The following ZFYVE28 variants were observed in gnomAD, a reference collection of about 807,000 sequenced individuals.
ZFYVE28 encodes the protein zinc finger FYVE-type containing 28.
Under a neutral mutation model 82.1 loss-of-function variants are expected in ZFYVE28, and 40 were observed. The ratio of observed to expected loss-of-function variants is 0.49; its 90% CI spans 0.38 to 0.63. The LOEUF (loss-of-function observed/expected upper bound fraction) is 0.63, where lower values mean the gene tolerates loss of function less well. Among genes scored for constraint, ZFYVE28 ranks in the 30% least tolerant of loss-of-function variants. The pLI, the probability that ZFYVE28 is intolerant of heterozygous loss-of-function variation, is 0.00. For missense variants in ZFYVE28, 1,321 were observed against 1,242.1 expected (o/e 1.06, Z -0.96); for synonymous variants, 612 against 546.1 (o/e 1.12, Z -1.68).
At position 2,304,456 on chromosome 4, in the gene ZFYVE28, G is replaced by C. The variant is rs1169918676; in HGVS notation, c.1884C>G (p.Ala628=). The C allele has an allele frequency of 6.2e-7, 1 of 1,613,608 alleles. No homozygotes were observed. The highest frequency in any genetic ancestry group is 2.2e-5 in the East Asian group (1 of 44,886). ...GAGGCAGGCACTTGTCGGAAGTGGG[G>C]GCTTTGGGCTCCCGCCCGTTGGAGG... ...EDASNGREPK[A]PTSDKCLPHT... is the part of the protein sequence containing the mutation. The change falls in exon 8 of 13, where the codon GCC becomes GCG. Residue 628 remains alanine (A), a synonymous_variant. Coordinates refer to ENST00000290974, the MANE Select transcript of ZFYVE28 (RefSeq NM_020972.3).
intron 1 of ZFYVE28, among the ~76,000 whole-genome samples, chr4:2,405,366 C>G (rs975518072): frequency 2.0e-5 from 3 of 152,222 alleles, no homozygotes. Flanking sequence ...CTGGAGCACA[C>G]CAATTGGACC....
intron 1 of ZFYVE28, among the ~76,000 whole-genome samples, chr4:2,356,791 CCCGAGCCCCAGGGA>C (rs1487289123): frequency 6.6e-6 from 1 of 152,200 alleles, no homozygotes; most frequent in Non-Finnish European, 1.5e-5. Flanking sequence ...TTCCCCAAGG[CCCGAGCCCCAGGGA>C]GTGCTGCACT....
intron 1 of ZFYVE28, among the ~76,000 whole-genome samples, chr4:2,413,101 C>T (rs1732690309): frequency 6.6e-6 from 1 of 152,234 alleles, no homozygotes. Flanking sequence ...CCTCTGTCTG[C>T]AGCCCAGGCT....
intron 6 of ZFYVE28, among the ~76,000 whole-genome samples, chr4:2,334,884 A>G (rs1721413619): frequency 1.1e-5 from 1 of 91,896 alleles, no homozygotes; most frequent in Admixed American, 1.1e-4. Flanking sequence ...TGCAAGCTCC[A>G]CTAAGCTCTC....
chr4:2,342,794 G>C (rs1180305464), intron 2 of ZFYVE28: 2 of 152,052 alleles, frequency 1.3e-5, no homozygotes, highest in East Asian at 1.9e-4. Context: ...GCTTTAATTT[G>C]TTAAATATGA....
chr4:2,314,326 T>A (rs1717908934), intron 7 of ZFYVE28, among the ~76,000 whole-genome samples: 2 of 152,240 alleles, frequency 1.3e-5, no homozygotes, highest in Admixed American at 6.5e-5. Flanking sequence ...ACAGCTGTTG[T>A]TGCTGCTGTT....
intron 2 of ZFYVE28, among the ~76,000 whole-genome samples, chr4:2,346,590 G>T (rs553758901): frequency 6.6e-6 from 1 of 152,160 alleles, no homozygotes; most frequent in South Asian, 2.1e-4. Context: ...AAAATGTATG[G>T]CAACAATAGC....
intron 8 of ZFYVE28, among the ~76,000 whole-genome samples, chr4:2,285,039 A>G (rs532729854): frequency 1.7e-4 from 26 of 152,360 alleles, no homozygotes; most frequent in African/African-American, 5.8e-4. Context: ...AAGTTAAGAT[A>G]AGGTCATCCA....
chr4:2,292,355 G>T (rs751086205), intron 8 of ZFYVE28, among the ~76,000 whole-genome samples: 4 of 152,214 alleles, frequency 2.6e-5, no homozygotes, highest in African/African-American at 4.8e-5. Flanking sequence ...AAGGGACAGG[G>T]AGGGAGGCCA....
chr4:2,360,224 C>T (rs1332774151), intron 1 of ZFYVE28, among the ~76,000 whole-genome samples: 2 of 151,936 alleles, frequency 1.3e-5, no homozygotes, highest in South Asian at 2.1e-4. Flanking sequence ...ACACTCACCA[C>T]ACCCCGCCCC....
At chr4:2,360,839 C>T (rs773769708) in intron 1 of ZFYVE28, among the ~76,000 whole-genome samples, 8 of 152,178 alleles carry the variant, frequency 5.3e-5, no homozygotes, top group Non-Finnish European at 1.0e-4. Context: ...AGTGAGCCTG[C>T]GGGCCCGACA....
intron 1 of ZFYVE28, among the ~76,000 whole-genome samples, chr4:2,411,696 C>T (rs1732535709): frequency 2.0e-5 from 3 of 152,150 alleles, no homozygotes; most frequent in Admixed American, 2.0e-4. Context: ...GTCTTGAGAC[C>T]CCATTTGTAA....
chr4:2,304,935 C>A lies in ZFYVE28; in HGVS notation c.1405G>T (p.Asp469Tyr). The A allele has an allele frequency of 2.5e-6, 4 of 1,612,734 alleles. No individual in the cohort carries two copies. Among genetic ancestry groups the A allele is most frequent in the Non-Finnish European group, 3.4e-6 (4 of 1,179,892 alleles). The stretch of plus-strand genomic sequence containing the variant: ...CTGGTGCCCGCGAGGCTGGCCCCAT[C>A]TGTGCCCTCGGCCTCGAGATTGTTG... ...SNNNLEAEGT[D>Y]GASLAGTSSC... The change falls in exon 8 of 13, where the codon GAT becomes TAT. Residue 469 changes from aspartate to tyrosine, a missense_variant. By Grantham distance (160) the Asp-to-Tyr change is radical. This residue lies in a region of ZFYVE28 where 978 missense variants were observed against 833.7 expected (regional missense o/e 1.17). Transcript: ENST00000290974.
chr4:2,364,781 G>A (rs998165035), intron 1 of ZFYVE28: 296 of 985,526 alleles, frequency 3.0e-4, no homozygotes, highest in African/African-American at 3.5e-4. Context: ...TCGTCAAGGC[G>A]CCCACGGCCT....
intron 7 of ZFYVE28, among the ~76,000 whole-genome samples, chr4:2,308,052 T>A (rs568775120): frequency 9.0e-4 from 137 of 152,318 alleles, no homozygotes; most frequent in Non-Finnish European, 1.3e-3. Context: ...GGGTCTCAAG[T>A]CCATCCTTGT....
At chr4:2,364,166 C>T (rs1052174242) in intron 1 of ZFYVE28, among the ~76,000 whole-genome samples, 9 of 152,228 alleles carry the variant, frequency 5.9e-5, no homozygotes, top group South Asian at 2.1e-4. Context: ...GGGTGCCTGA[C>T]GCCAGCTGGG....
At chr4:2,371,362 C>CTTT (rs1727532452) in intron 1 of ZFYVE28, among the ~76,000 whole-genome samples, 1 of 152,216 alleles carries the variant, frequency 6.6e-6, no homozygotes, top group African/African-American at 2.4e-5. Context: ...AGGTGCCCGC[C>CTTT]ACTAACAGAT....
intron 8 of ZFYVE28, among the ~76,000 whole-genome samples, chr4:2,297,924 TGGGA>T (rs1285660335): frequency 8.9e-5 from 11 of 124,122 alleles, no homozygotes; most frequent in Admixed American, 5.2e-4. Context: ...CAGGCTGTGC[TGGGA>T]GGAACAGCAG....
chr4:2,301,996 G>C (rs2071665), intron 8 of ZFYVE28, among the ~76,000 whole-genome samples: 41,950 of 152,178 alleles, frequency 0.28, 6,887 homozygotes, highest in Non-Finnish European at 0.36. Flanking sequence ...GTGCACGCCA[G>C]GCCAGCCTCG....
Sources: gnomAD v4.1 joint callset for allele counts (sites outside exome capture counted in the v4.1 genomes callset) on GRCh38, gnomAD v4.1.1 for gene constraint, gnomAD v4.1.1 regional missense constraint, MANE v1.5 for transcripts, NCBI Gene and HGNC (gene_info 2026-07-23, HGNC 2026-07-21) for gene names.